SEH1L: variants seen among roughly 807,000 people sequenced by gnomAD.
SEH1L encodes the protein nucleoporin SEH1.
SEH1L carries 18 observed loss-of-function variants against 49.5 expected under a neutral mutation model. The observed-to-expected ratio is 0.36, with a 90% confidence interval of 0.25 to 0.54. The LOEUF is 0.54. Ranked by LOEUF, SEH1L falls within the 20% of genes least tolerant of loss-of-function variation. SEH1L has a pLI of 0.87. For synonymous variants in SEH1L, 169 were observed against 178.1 expected (o/e 0.95, Z 0.41); for missense variants, 404 against 528.8 (o/e 0.76, Z 2.31).
chr18:12,961,730 G>C (rs2031186025), intron 3 of SEH1L, among the ~76,000 whole-genome samples: 1 of 152,078 alleles, frequency 6.6e-6, no homozygotes, highest in Non-Finnish European at 1.5e-5. Context: ...GCAGTGGCAT[G>C]ATCTCGGCTC....
intron 6 of SEH1L, among the ~76,000 whole-genome samples, chr18:12,980,349 G>A (rs2032154009): frequency 8.0e-6 from 1 of 124,992 alleles, no homozygotes; most frequent in Admixed American, 7.5e-5. Context: ...CTCCCGGACA[G>A]GGCGGCTGGC....
intron 3 of SEH1L, among the ~76,000 whole-genome samples, chr18:12,959,190 A>G (rs2031050764): frequency 6.6e-6 from 1 of 151,864 alleles, no homozygotes; most frequent in African/African-American, 2.4e-5. Context: ...CATTTTTTTA[A>G]ATTGGGTTTT....
chr18:12,949,189 G>T (rs951647724), intron 1 of SEH1L, among the ~76,000 whole-genome samples: 2 of 151,262 alleles, frequency 1.3e-5, no homozygotes, highest in Non-Finnish European at 1.5e-5. Context: ...TTCTAATGTG[G>T]GGATGCTACA....
chr18:12,950,911 C>A (rs1598937653), intron 1 of SEH1L, among the ~76,000 whole-genome samples: 1 of 151,932 alleles, frequency 6.6e-6, no homozygotes, highest in East Asian at 1.9e-4. Flanking sequence ...GCCTTAAACT[C>A]CTGGGCTCAA....
intron 5 of SEH1L, chr18:12,972,178 G>A (rs983357426): frequency 6.6e-6 from 1 of 152,224 alleles, no homozygotes; most frequent in African/African-American, 2.4e-5. Context: ...CAGTGGCATG[G>A]AGATAAGTGG....
chr18:12,980,168 GCACCCC>G (rs1326563359), intron 6 of SEH1L, among the ~76,000 whole-genome samples: 16 of 115,930 alleles, frequency 1.4e-4, no homozygotes, highest in South Asian at 6.0e-4. Flanking sequence ...CCGGGCAGAG[GCACCCC>G]TCACCTCCCG....
intron 4 of SEH1L, among the ~76,000 whole-genome samples, chr18:12,969,791 CTG>C (rs1205858978): frequency 4.0e-5 from 6 of 151,588 alleles, no homozygotes; most frequent in African/African-American, 1.5e-4. Flanking sequence ...ACTCAGGAGA[CTG>C]AGACAGGAGA....
intron 7 of SEH1L, 146 bp downstream of exon 7, chr18:12,982,821 G>C: frequency 1.6e-6 from 1 of 633,750 alleles, no homozygotes; most frequent in South Asian, 2.5e-5. Flanking sequence ...TTGAACATCA[G>C]TTTACCTAGT....
intron 6 of SEH1L, among the ~76,000 whole-genome samples, chr18:12,979,594 A>T (rs1207250408): frequency 2.0e-5 from 3 of 152,146 alleles, no homozygotes; most frequent in East Asian, 3.9e-4. Context: ...TACACCTCCC[A>T]GACGGGGTGG....
chr18:12,985,945 T>A (rs2032440605), intron 8 of SEH1L: 5 of 908,368 alleles, frequency 5.5e-6, no homozygotes, highest in Non-Finnish European at 6.6e-6. Context: ...ACACTTTTTT[T>A]ATAAGTTTTT....
chr18:12,952,163 G>A lies in SEH1L; in HGVS notation c.162+258G>A, dbSNP rs1026767048. 2.7e-5 allele frequency among the ~76,000 whole-genome samples: 4 copies of A among 146,212 alleles called. No individual in the cohort carries two copies. In the East Asian group the frequency reaches 8.0e-4, roughly 29 times the overall value. ...CCTTTTGCCTTTACATATTTTAATT[G>A]TTGTGATGTTTCATACATAGTTTTC... On this transcript the variant is annotated intron_variant, in intron 2 of 8. Transcript: ENST00000399892.
Position 12,955,639 on chromosome 18 carries a change from G to C in SEH1L, c.309+30G>C, listed in dbSNP as rs373973930. 2.1e-4 allele frequency: 339 copies of C among 1,606,868 alleles called. 1 individual carries two copies. The African/African-American group carries it at 3.8e-3, about 18-fold the overall frequency. ...GACATTTATTAGTATTCTGGGGACC[G>C]GGAAGACATGAGCAGCCAAGGAGCA... On this transcript the variant is annotated intron_variant, in intron 3 of 8. Transcript: ENST00000399892.
At chr18:12,977,079 G>A (rs1191208702) in intron 5 of SEH1L, 1 of 152,308 alleles carries the variant, frequency 6.6e-6, no homozygotes, top group Non-Finnish European at 1.5e-5. Flanking sequence ...CACAGTAGAA[G>A]CAAGGATGTG....
At chr18:12,980,036 A>AC (rs1298016225) in intron 6 of SEH1L, among the ~76,000 whole-genome samples, 3 of 73,874 alleles carry the variant, frequency 4.1e-5, no homozygotes, top group African/African-American at 1.1e-4. Flanking sequence ...CGGGCGGCTG[A>AC]CCCCCCCACC....
At chr18:12,979,947 G>A (rs1456945382) in intron 6 of SEH1L, among the ~76,000 whole-genome samples, 2 of 135,740 alleles carry the variant, frequency 1.5e-5, no homozygotes, top group African/African-American at 2.8e-5. Flanking sequence ...AGTAGGGGCG[G>A]CCGGGCAGAG....
rs140630364 is a variant in SEH1L at position 12,969,765 on chromosome 18, G to A, written c.522-1388G>A. ...TTTGTGGCCAGGTGTGGTGGTTCAC[G>A]CCTGTAATCCCAGCTACTCAGGAGA... is the stretch of plus-strand genomic sequence containing the variant. On this transcript the variant is annotated intron_variant, in intron 4 of 8. Transcript: ENST00000399892. 6.6e-3 allele frequency among the ~76,000 whole-genome samples: 1,008 copies of A among 151,814 alleles called. 14 individuals are homozygous for A. Among genetic ancestry groups the A allele is most frequent in the East Asian group, 0.05 (258 of 5,170 alleles).
At position 12,982,691 on chromosome 18, in the gene SEH1L, A is replaced by G. The variant is rs780090956; in HGVS notation, c.919+16A>G. ...TTGTGGAAAGGTAAGAGTTCAGTGAAGGGGTAATTGTTGGTTTATATTTCT... is the reference window on the plus strand; with the variant it reads ...TTGTGGAAAGGTAAGAGTTCAGTGAGGGGGTAATTGTTGGTTTATATTTCT... On this transcript the variant is annotated intron_variant, in intron 7 of 8. Coordinates refer to ENST00000399892, the MANE Select transcript of SEH1L (RefSeq NM_001013437.2). 16 of 1,577,894 alleles carry G rather than the reference A, an allele frequency of 1.0e-5. No individual in the cohort carries two copies. The highest frequency in any genetic ancestry group is 1.4e-5 in the Non-Finnish European group (16 of 1,159,972).
At chr18:12,955,093 G>A (rs1483277643) in intron 2 of SEH1L, among the ~76,000 whole-genome samples, 1 of 151,676 alleles carries the variant, frequency 6.6e-6, no homozygotes, top group Non-Finnish European at 1.5e-5. Flanking sequence ...GTAAAATGGT[G>A]GACTTACAGA....
rs1370111177 is a variant in SEH1L, at chr18:12,961,062, T to C, written c.310-2098T>C. Among the ~76,000 whole-genome samples the C allele has an allele frequency of 2.6e-5, 4 of 152,250 alleles. No homozygotes were observed. The East Asian group carries it at 7.7e-4, about 29-fold the overall frequency. On this transcript the variant is annotated intron_variant, in intron 3 of 8. Transcript: ENST00000399892. ...ACACGTTGGCATGCTTCCCAGGGGT[T>C]GCGTCTCTTCTCTGATTCTTCCCTT...
Sources: allele counts gnomAD v4.1 joint callset (sites outside exome capture counted in the v4.1 genomes callset), GRCh38; gene constraint gnomAD v4.1.1; transcripts MANE v1.5; gene names NCBI Gene and HGNC (gene_info 2026-07-23, HGNC 2026-07-21).